Variants in REPS1 observed in about 807,000 individuals in gnomAD.
REPS1 encodes RALBP1 associated Eps domain containing 1.
REPS1 carries 39 observed loss-of-function variants against 100.9 expected under a neutral mutation model. That is an observed-to-expected ratio of 0.39 (90% CI 0.30 to 0.50). REPS1 has a LOEUF of 0.50. Ranked by LOEUF, REPS1 falls within the 20% of genes least tolerant of loss-of-function variation. The pLI, the probability that REPS1 is intolerant of heterozygous loss-of-function variation, is 0.86. For missense variants in REPS1, 821 were observed against 968.5 expected (o/e 0.85, Z 2.02); for synonymous variants, 324 against 340.3 (o/e 0.95, Z 0.53).
chr6:138,964,364 A>G (rs1359449613), intron 1 of REPS1, among the ~76,000 whole-genome samples: 1 of 152,164 alleles, frequency 6.6e-6, no homozygotes, highest in Non-Finnish European at 1.5e-5. Context: ...ATATGTTATG[A>G]TGTTGACGTA....
At chr6:138,942,534 T>C (rs866556573) in intron 7 of REPS1, among the ~76,000 whole-genome samples, 1 of 152,086 alleles carries the variant, frequency 6.6e-6, no homozygotes, top group Non-Finnish European at 1.5e-5. Flanking sequence ...CTCTGCTTCC[T>C]GGACTCAAGC....
intron 8 of REPS1, among the ~76,000 whole-genome samples, chr6:138,940,261 T>C (rs1782145403): frequency 6.6e-6 from 1 of 152,218 alleles, no homozygotes; most frequent in African/African-American, 2.4e-5. Context: ...CAAATTCTAT[T>C]TGAACTTCCC....
chr6:138,947,837 G>A lies in REPS1; in HGVS notation c.230C>T (p.Ala77Val), dbSNP rs56859750. Reference sequence around the variant, plus strand: ...TAAAGGGAAACCAGACTGGGCAACAGCTACAAGTTTCAAAGCAATGTAGAA... The same window carrying A: ...TAAAGGGAAACCAGACTGGGCAACAACTACAAGTTTCAAAGCAATGTAGAA... ...SQFYIALKLVAVAQSGFPLRV... is the reference protein window; with the variant it reads ...SQFYIALKLVVVAQSGFPLRV... Residue 77 changes from alanine to valine, a missense_variant, in exon 2 of 20, where the codon GCT (alanine) becomes GTT (valine). This residue lies in a region of REPS1 where 28 missense variants were observed against 65.3 expected (regional missense o/e 0.43). Transcript: ENST00000450536. The A allele has an allele frequency of 6.2e-7, 1 of 1,611,120 alleles. No individual in the cohort carries two copies. The highest frequency in any genetic ancestry group is 8.5e-7 in the Non-Finnish European group (1 of 1,178,690).
intron 1 of REPS1, among the ~76,000 whole-genome samples, chr6:138,961,109 A>G (rs751136031): frequency 6.6e-6 from 1 of 152,232 alleles, no homozygotes; most frequent in Non-Finnish European, 1.5e-5. Context: ...AGCTCTCAAC[A>G]CACACAATAA....
chr6:138,960,072 C>T (rs1783641030), intron 1 of REPS1, among the ~76,000 whole-genome samples: 1 of 152,070 alleles, frequency 6.6e-6, no homozygotes, highest in African/African-American at 2.4e-5. Context: ...GTTCTGTAGT[C>T]GAGTAAGTTG....
At position 138,914,684 on chromosome 6, in the gene REPS1, C is replaced by T. The variant is rs1401085250; in HGVS notation, c.1785+13G>A. ...TCATGGGACATTTAGTAATAAATAC[C>T]TTGGAGAATTACCTGTGAGGGCTGT... On this transcript the variant is annotated intron_variant, in intron 15 of 19. Coordinates refer to ENST00000450536, the MANE Select transcript of REPS1 (RefSeq NM_001286611.2). 1.2e-6 allele frequency: 2 copies of T among 1,606,580 alleles called. No individual in the cohort carries two copies. Among genetic ancestry groups the T allele is most frequent in the Non-Finnish European group, 1.7e-6 (2 of 1,173,254 alleles).
At chr6:138,939,065 G>C (rs1472373085) in intron 8 of REPS1, among the ~76,000 whole-genome samples, 1 of 151,906 alleles carries the variant, frequency 6.6e-6, no homozygotes, top group East Asian at 1.9e-4. Context: ...AGTGTCACAA[G>C]ACAATTTCTA....
At chr6:138,933,724 C>T (rs1330630336) in intron 8 of REPS1, among the ~76,000 whole-genome samples, 3 of 151,912 alleles carry the variant, frequency 2.0e-5, no homozygotes, top group Non-Finnish European at 4.4e-5. Flanking sequence ...GGTTATTTTC[C>T]TAAAAATATT....
intron 10 of REPS1, 100 bp downstream of exon 10, chr6:138,926,301 G>A: frequency 1.2e-6 from 1 of 843,740 alleles, no homozygotes; most frequent in Non-Finnish European, 2.0e-6. Flanking sequence ...TTCCCTCTAA[G>A]CACTCCACTG....
rs1785360479 is a variant in REPS1 at position 138,987,773 on chromosome 6, C to G, written c.-91G>C. ...GGGCCGGCAGGGGCTGCGCGTGGCC[C>G]GGCCTCCTGCTAGCTTCCCGAAAAC... is the stretch of plus-strand genomic sequence containing the variant. On this transcript the variant is annotated 5_prime_UTR_variant, in exon 1 of 20. Transcript: ENST00000450536. The G allele has an allele frequency of 6.6e-6, 9 of 1,372,366 alleles. No homozygotes were observed. In the South Asian group the frequency reaches 8.3e-5, roughly 13 times the overall value. The allele number at this position is 1,372,366 out of a possible 1,614,324, so 85.0% of individuals were successfully genotyped here.
chr6:138,970,961 AG>A (rs2128501573), intron 1 of REPS1, among the ~76,000 whole-genome samples: 1 of 152,350 alleles, frequency 6.6e-6, no homozygotes, highest in Admixed American at 6.5e-5. Context: ...AGAAGCAAAA[AG>A]GAACATTATG....
At chr6:138,908,635 T>A (rs748256809) in intron 18 of REPS1, 33 bp downstream of exon 18, 2 of 1,608,818 alleles carry the variant, frequency 1.2e-6, no homozygotes, top group East Asian at 2.2e-5. Context: ...TTCTTCCTAG[T>A]AATTAAATGT....
Position 138,904,242 on chromosome 6 carries a change from T to C in REPS1, c.*822A>G, listed in dbSNP as rs1779504481. 1 of 152,190 alleles carries C rather than the reference T, an allele frequency of 6.6e-6. No individual in the cohort carries two copies. Among genetic ancestry groups the C allele is most frequent in the East Asian group, 1.9e-4 (1 of 5,206 alleles). The allele number at this position is 152,190 out of a possible 1,614,324, so 9.4% of individuals were successfully genotyped here. A position where few individuals can be genotyped will look rare whatever the true frequency, so the allele number is the denominator to read the frequency against. ...CAGAAACTCATTAATAGGAAAAACT[T>C]GTCTGTATAGCAAAAGAATGAGTGA... is the stretch of plus-strand genomic sequence containing the variant. On this transcript the variant is annotated 3_prime_UTR_variant, in exon 20 of 20. Coordinates refer to ENST00000450536, the MANE Select transcript of REPS1 (RefSeq NM_001286611.2).
At chr6:138,917,072 A>T (rs114534618) in intron 13 of REPS1, among the ~76,000 whole-genome samples, 1 of 152,202 alleles carries the variant, frequency 6.6e-6, no homozygotes, top group Non-Finnish European at 1.5e-5. Flanking sequence ...CTTTTAGTGG[A>T]TGGTAAAGCC....
intron 10 of REPS1, 143 bp downstream of exon 10, chr6:138,926,258 T>C: frequency 1.8e-6 from 1 of 568,246 alleles, no homozygotes; most frequent in Non-Finnish European, 3.1e-6. Context: ...TTCCCACCAT[T>C]AAGCACACAA....
intron 12 of REPS1, among the ~76,000 whole-genome samples, chr6:138,919,183 T>G (rs1258190986): frequency 1.3e-5 from 2 of 152,146 alleles, no homozygotes; most frequent in Non-Finnish European, 2.9e-5. Flanking sequence ...CTCCTTTCTC[T>G]CTTACATCCT....
chr6:138,946,048 T>C (rs1324179731), intron 2 of REPS1, among the ~76,000 whole-genome samples: 2 of 152,180 alleles, frequency 1.3e-5, no homozygotes, highest in African/African-American at 2.4e-5. Flanking sequence ...AAACTGAGGC[T>C]CCATGATGCC....
intron 15 of REPS1, 55 bp from the exon 16 acceptor site, chr6:138,913,005 CAG>C: frequency 6.9e-7 from 1 of 1,444,034 alleles, no homozygotes; most frequent in Admixed American, 2.3e-5. Context: ...ATCAGTGTCA[CAG>C]AGTCATCTTC....
intron 4 of REPS1, 67 bp from the exon 5 acceptor site, chr6:138,944,689 T>C: frequency 2.7e-6 from 4 of 1,484,112 alleles, no homozygotes; most frequent in Non-Finnish European, 3.7e-6. Flanking sequence ...AAGTTTTCTT[T>C]CCAACTCTTA....
Sources: allele counts gnomAD v4.1 joint callset (sites outside exome capture counted in the v4.1 genomes callset), GRCh38; gene constraint gnomAD v4.1.1; regional missense constraint gnomAD v4.1.1; transcripts MANE v1.5; gene names NCBI Gene and HGNC (gene_info 2026-07-23, HGNC 2026-07-21).